SCMH1: variants seen among roughly 807,000 people sequenced by gnomAD.
The protein encoded by SCMH1 is Scm polycomb group protein homolog 1, also known as polycomb protein SCMH1.
In SCMH1, 37 loss-of-function variants were observed where a neutral mutation model predicts 70.8. That is an observed-to-expected ratio of 0.52 (90% CI 0.40 to 0.69). The LOEUF is 0.69. Among genes scored for constraint, SCMH1 ranks in the 30% least tolerant of loss-of-function variants. The pLI is 0.00. For synonymous variants in SCMH1, 292 were observed against 307.4 expected, an observed-to-expected ratio of 0.95 and a Z score of 0.52; for missense variants, 607 against 827.3, an observed-to-expected ratio of 0.73 and a Z score of 3.27.
intron 5 of SCMH1, among the ~76,000 whole-genome samples, chr1:41,150,245 G>GT (rs1398042279): frequency 6.6e-6 from 1 of 152,200 alleles, no homozygotes; most frequent in Non-Finnish European, 1.5e-5. Flanking sequence ...GCTCACACCT[G>GT]TAATCCCACC....
intron 10 of SCMH1, among the ~76,000 whole-genome samples, chr1:41,060,900 T>C (rs1652393603): frequency 6.6e-6 from 1 of 152,172 alleles, no homozygotes; most frequent in African/African-American, 2.4e-5. Context: ...GCTATGTTGT[T>C]GGCGACTCCT....
chr1:41,141,697 T>C (rs1644089230), intron 6 of SCMH1, among the ~76,000 whole-genome samples: 1 of 152,086 alleles, frequency 6.6e-6, no homozygotes, highest in Admixed American at 6.6e-5. Flanking sequence ...TTTAAACAAA[T>C]AAACTGCAAG....
intron 10 of SCMH1, among the ~76,000 whole-genome samples, chr1:41,061,253 A>C (rs1652539550): frequency 6.6e-6 from 1 of 152,096 alleles, no homozygotes; most frequent in Non-Finnish European, 1.5e-5. Context: ...GAGGAGCTTG[A>C]ATTCTGCTAA....
At chr1:41,092,393 A>T (rs573258720) in intron 8 of SCMH1, among the ~76,000 whole-genome samples, 20 of 152,250 alleles carry the variant, frequency 1.3e-4, no homozygotes, top group Non-Finnish European at 5.9e-5. Flanking sequence ...TAAAGACTTA[A>T]ATGTTAGACC....
intron 9 of SCMH1, among the ~76,000 whole-genome samples, chr1:41,074,616 A>G (rs1447598915): frequency 6.6e-6 from 1 of 152,172 alleles, no homozygotes; most frequent in Non-Finnish European, 1.5e-5. Context: ...TCTACTTTGG[A>G]AAGGTTAACA....
At chr1:41,045,848 T>C (rs1399474769) in intron 12 of SCMH1, 1 of 152,556 alleles carries the variant, frequency 6.6e-6, no homozygotes, top group Non-Finnish European at 1.5e-5. Context: ...ACGTGGCATC[T>C]GCTTTCCCAT....
intron 1 of SCMH1, among the ~76,000 whole-genome samples, chr1:41,202,093 G>A (rs1008938502): frequency 1.1e-4 from 16 of 152,046 alleles, no homozygotes; most frequent in African/African-American, 3.4e-4. Flanking sequence ...CCAGGCTGGA[G>A]TGCAGTGGTG....
chr1:41,091,038 C>CAA (rs71062575), intron 8 of SCMH1, among the ~76,000 whole-genome samples: 130 of 119,898 alleles, frequency 1.1e-3, no homozygotes, highest in African/African-American at 3.9e-3. Context: ...GACTCCGTGT[C>CAA]AAAAAAAAAA....
At chr1:41,062,485 T>G (rs964020085) in intron 10 of SCMH1, among the ~76,000 whole-genome samples, 1 of 151,950 alleles carries the variant, frequency 6.6e-6, no homozygotes, top group African/African-American at 2.4e-5. Context: ...CTCACACCTG[T>G]AATCCCAGCA....
chr1:41,048,348 G>A (rs1369234783), intron 11 of SCMH1, among the ~76,000 whole-genome samples: 1 of 152,196 alleles, frequency 6.6e-6, no homozygotes, highest in East Asian at 1.9e-4. Flanking sequence ...CCTGAAACCA[G>A]GTGGGAGGCT....
At chr1:41,230,108 A>G (rs537286562) in intron 1 of SCMH1, among the ~76,000 whole-genome samples, 13 of 152,348 alleles carry the variant, frequency 8.5e-5, no homozygotes, top group African/African-American at 2.9e-4. Context: ...TATCATTTGT[A>G]TATCCAATGC....
intron 10 of SCMH1, among the ~76,000 whole-genome samples, chr1:41,058,375 C>CTTTTTTTTTTTTT (rs1252087982): frequency 1.0e-4 from 4 of 38,998 alleles, no homozygotes; most frequent in East Asian, 1.2e-3. Context: ...CATTTTCTTT[C>CTTTTTTTTTTTTT]TTGTTTTTTT....
intron 1 of SCMH1, among the ~76,000 whole-genome samples, chr1:41,231,894 C>A (rs1381065451): frequency 6.6e-6 from 1 of 151,814 alleles, no homozygotes; most frequent in Non-Finnish European, 1.5e-5. Flanking sequence ...TGGTGGTAGG[C>A]ACCTGTAATC....
At chr1:41,104,959 C>CT (rs55878444) in intron 8 of SCMH1, among the ~76,000 whole-genome samples, 14 of 149,568 alleles carry the variant, frequency 9.4e-5, no homozygotes, top group Admixed American at 2.7e-4. Flanking sequence ...ATTAAACAGC[C>CT]TTTTTTTTTT....
intron 1 of SCMH1, among the ~76,000 whole-genome samples, chr1:41,206,062 TAGATAAAACCACAAA>T (rs150857297): frequency 0.15 from 22,754 of 152,186 alleles, 2,202 homozygotes; most frequent in Non-Finnish European, 0.21. Context: ...AGACCAAAGT[TAGATAAAACCACAAA>T]GATGGTGAGA....
At position 41,113,227 on chromosome 1, in the gene SCMH1, G is replaced by A; in HGVS notation, c.745+56C>T. ...GAAGATATGATCATGACAGCCCTGG[G>A]TAGTCTCCCTTATCATCTGGGTCCT... On this transcript the variant is annotated intron_variant, in intron 8 of 14. Coordinates refer to ENST00000337495, the Ensembl canonical transcript of SCMH1. The surrounding 1 kb of genome is among the most constrained non-coding windows in gnomAD (Gnocchi z 4.3). 1.3e-6 allele frequency: 2 copies of A among 1,579,310 alleles called. No individual in the cohort carries two copies. The highest frequency in any genetic ancestry group is 1.7e-6 in the Non-Finnish European group (2 of 1,163,448).
At chr1:41,127,963 C>T (rs1023804838) in intron 6 of SCMH1, among the ~76,000 whole-genome samples, 5 of 152,234 alleles carry the variant, frequency 3.3e-5, no homozygotes, top group African/African-American at 1.2e-4. Flanking sequence ...TTGTTTAAAC[C>T]AGACAGTCTG....
rs758754119 is a variant in SCMH1, at chr1:41,048,901, C to A, written c.1106-11G>T. The A allele has an allele frequency of 6.3e-7, 1 of 1,599,378 alleles. No homozygotes were observed. The highest frequency in any genetic ancestry group is 1.1e-5 in the South Asian group (1 of 89,268). Reference sequence around the variant, plus strand: ...TCAAGTAGATACAAACTATGGGAGACAAAGAATCAAAGAAGCTTCAAGAGT... The same window carrying A: ...TCAAGTAGATACAAACTATGGGAGAAAAAGAATCAAAGAAGCTTCAAGAGT... On this transcript the variant is annotated splice_polypyrimidine_tract_variant and intron_variant, in intron 10 of 14. Coordinates refer to ENST00000337495, the Ensembl canonical transcript of SCMH1.
intron 6 of SCMH1, among the ~76,000 whole-genome samples, chr1:41,135,267 T>C (rs1643093712): frequency 6.6e-6 from 1 of 152,124 alleles, no homozygotes; most frequent in South Asian, 2.1e-4. Flanking sequence ...CAATAGCCAC[T>C]AGCCACATCA....
Sources: gnomAD v4.1 joint callset for allele counts (sites outside exome capture counted in the v4.1 genomes callset) on GRCh38, gnomAD v4.1.1 for gene constraint, Gnocchi (gnomAD v3.1) non-coding constraint, MANE v1.5 for transcripts, NCBI Gene and HGNC (gene_info 2026-07-23, HGNC 2026-07-21) for gene names.